Variants in CLNK observed in about 807,000 individuals in gnomAD.
CLNK encodes cytokine dependent hematopoietic cell linker.
A neutral mutation model predicts 68.6 loss-of-function variants in CLNK; 74 were observed. The observed-to-expected ratio is 1.08, with a 90% confidence interval of 0.89 to 1.31. The LOEUF is 1.31. Among genes scored for constraint, CLNK ranks in the 50% most tolerant of loss-of-function variants. The pLI is 0.00. For missense variants in CLNK, 553 were observed against 515.3 expected, an observed-to-expected ratio of 1.07 and a Z score of -0.71; for synonymous variants, 198 against 172.2, an observed-to-expected ratio of 1.15 and a Z score of -1.17.
At chr4:10,518,310 G>A (rs930845310) in intron 15 of CLNK, among the ~76,000 whole-genome samples, 1 of 152,156 alleles carries the variant, frequency 6.6e-6, no homozygotes, top group Admixed American at 6.5e-5. Flanking sequence ...ACTAGCTGTT[G>A]AGTGTTGCTA....
intron 18 of CLNK, among the ~76,000 whole-genome samples, chr4:10,492,117 G>A (rs1716600264): frequency 6.6e-6 from 1 of 152,214 alleles, no homozygotes; most frequent in African/African-American, 2.4e-5. Flanking sequence ...AGGGCAGGGG[G>A]AATGATCTTC....
At chr4:10,726,715 G>A in the CLNK span, among the ~76,000 whole-genome samples, 3 of 152,172 alleles carry the variant, frequency 2.0e-5, no homozygotes, top group Non-Finnish European at 4.4e-5. Context: ...AAGAACTGAA[G>A]CCCAGAGGTT....
intron 3 of CLNK, among the ~76,000 whole-genome samples, chr4:10,594,660 C>T (rs1053127914): frequency 2.6e-5 from 4 of 152,162 alleles, no homozygotes; most frequent in African/African-American, 7.2e-5. Context: ...GCTCCTTCCT[C>T]ATGGTGGGGA....
chr4:10,546,232 T>A (rs996805652), intron 8 of CLNK, among the ~76,000 whole-genome samples: 3 of 152,230 alleles, frequency 2.0e-5, no homozygotes, highest in Non-Finnish European at 4.4e-5. Flanking sequence ...TTATCCACTC[T>A]ACTTCTCTTT....
At chr4:10,579,856 A>C (rs532202126) in intron 4 of CLNK, among the ~76,000 whole-genome samples, 5 of 152,274 alleles carry the variant, frequency 3.3e-5, no homozygotes, top group African/African-American at 1.2e-4. Context: ...CTAGGGTAGG[A>C]GGGCCAGTTT....
intron 2 of CLNK, among the ~76,000 whole-genome samples, chr4:10,610,033 G>GTTTTTTTTTTTTTTTTTTTTTTTTTT (rs71181047): frequency 1.4e-5 from 1 of 73,430 alleles, no homozygotes; most frequent in Admixed American, 1.6e-4. Context: ...ATGAATGCTC[G>GTTTTTTTTTTTTTTTTTTTTTTTTTT]TTTTTTTTTT....
chr4:10,703,674 C>A, the CLNK span, among the ~76,000 whole-genome samples: 1 of 152,138 alleles, frequency 6.6e-6, no homozygotes, highest in Non-Finnish European at 1.5e-5. Flanking sequence ...TTTACATATA[C>A]AAACCTAGTT....
intron 7 of CLNK, among the ~76,000 whole-genome samples, chr4:10,561,798 C>A (rs1007079613): frequency 2.0e-5 from 3 of 152,140 alleles, no homozygotes; most frequent in Admixed American, 6.5e-5. Context: ...AAGGCCAGAC[C>A]GAGAAAGTCT....
At chr4:10,667,283 ATTAATT>A (rs1368535714) in intron 2 of CLNK, among the ~76,000 whole-genome samples, 1 of 152,126 alleles carries the variant, frequency 6.6e-6, no homozygotes, top group Admixed American at 6.5e-5. Context: ...AGATAAGGAG[ATTAATT>A]TTAAAACTGG....
intron 2 of CLNK, among the ~76,000 whole-genome samples, chr4:10,640,445 C>G (rs975787835): frequency 6.6e-6 from 1 of 152,206 alleles, no homozygotes; most frequent in South Asian, 2.1e-4. Context: ...GGATTACAGG[C>G]GTGAGCCATT....
intron 2 of CLNK, among the ~76,000 whole-genome samples, chr4:10,623,025 T>C (rs768650390): frequency 4.9e-4 from 74 of 152,176 alleles, no homozygotes; most frequent in Non-Finnish European, 9.3e-4. Context: ...TACTATTGCA[T>C]TGGGGATTAA....
intron 18 of CLNK, among the ~76,000 whole-genome samples, chr4:10,496,339 G>C (rs1382134453): frequency 6.6e-6 from 1 of 152,214 alleles, no homozygotes; most frequent in African/African-American, 2.4e-5. Context: ...GCATTTAGCA[G>C]AGCCTTGCTA....
chr4:10,663,402 A>C (rs541350565), intron 2 of CLNK, among the ~76,000 whole-genome samples: 1 of 152,340 alleles, frequency 6.6e-6, no homozygotes, highest in Non-Finnish European at 1.5e-5. Context: ...ATACGGAAAT[A>C]ATTCTCTTTA....
chr4:10,647,211 A>G (rs576791579), intron 2 of CLNK, among the ~76,000 whole-genome samples: 1 of 152,312 alleles, frequency 6.6e-6, no homozygotes, highest in Admixed American at 6.5e-5. Flanking sequence ...CTTGTTATGT[A>G]TCAAGAGATC....
At chr4:10,494,453 T>C (rs1716720936) in intron 18 of CLNK, among the ~76,000 whole-genome samples, 1 of 148,538 alleles carries the variant, frequency 6.7e-6, no homozygotes. Context: ...TCACACAGTA[T>C]TTCCTATTTT....
the CLNK span, among the ~76,000 whole-genome samples, chr4:10,699,285 C>CACACACACATACACACCACGTATGT: frequency 1.3e-4 from 6 of 46,196 alleles, no homozygotes; most frequent in African/African-American, 5.6e-4. Context: ...ACACCACATA[C>CACACACACATACACACCACGTATGT]GTGTATACAC....
chr4:10,673,664 G>T (rs373689476), intron 1 of CLNK, among the ~76,000 whole-genome samples: 2 of 148,774 alleles, frequency 1.3e-5, no homozygotes, highest in African/African-American at 5.0e-5. Context: ...ACTGGGGCCT[G>T]TCAGGGGGTG....
At chr4:10,703,563 A>G in the CLNK span, among the ~76,000 whole-genome samples, 3 of 152,154 alleles carry the variant, frequency 2.0e-5, no homozygotes, top group African/African-American at 7.2e-5. Context: ...AGAGAGCAGA[A>G]TCTTTTCTGG....
chr4:10,699,494 C>CTCTCTCTCTCTATATATATA, the CLNK span, among the ~76,000 whole-genome samples: 3 of 56,986 alleles, frequency 5.3e-5, no homozygotes, highest in African/African-American at 2.7e-4. Flanking sequence ...CTCTCTCTCT[C>CTCTCTCTCTCTATATATATA]TATATATATA....
Sources: allele counts gnomAD v4.1 joint callset (sites outside exome capture counted in the v4.1 genomes callset), GRCh38; gene constraint gnomAD v4.1.1; transcripts MANE v1.5; gene names NCBI Gene and HGNC (gene_info 2026-07-23, HGNC 2026-07-21).